LRRC4C: variants seen among roughly 807,000 people sequenced by gnomAD.
LRRC4C encodes the protein leucine-rich repeat-containing protein 4C.
Under a neutral mutation model 33.6 loss-of-function variants are expected in LRRC4C, and 5 were observed. The observed-to-expected ratio is 0.15, with a 90% confidence interval of 0.08 to 0.31. The LOEUF (loss-of-function observed/expected upper bound fraction) is 0.31. Ranked by LOEUF, LRRC4C falls within the 10% of genes least tolerant of loss-of-function variation. The pLI, the probability that LRRC4C is intolerant of heterozygous loss-of-function variation, is 1.00. For synonymous variants in LRRC4C, 329 were observed against 302.0 expected (o/e 1.09, Z -0.93); for missense variants, 560 against 796.7 (o/e 0.70, Z 3.58).
intron 2 of LRRC4C, among the ~76,000 whole-genome samples, chr11:40,900,322 G>A (rs564868924): frequency 6.6e-6 from 1 of 151,964 alleles, no homozygotes; most frequent in Non-Finnish European, 1.5e-5. Context: ...TTAATTTATG[G>A]AATAAGATGA....
intron 2 of LRRC4C, among the ~76,000 whole-genome samples, chr11:40,737,664 G>A (rs746492935): frequency 1.3e-5 from 2 of 151,956 alleles, no homozygotes; most frequent in Non-Finnish European, 2.9e-5. Flanking sequence ...AACTTACAAG[G>A]GATGTGAAGG....
chr11:41,423,561 G>A (rs1954941652), intron 1 of LRRC4C, among the ~76,000 whole-genome samples: 2 of 152,070 alleles, frequency 1.3e-5, no homozygotes, highest in Non-Finnish European at 2.9e-5. Context: ...TGATGTCTGA[G>A]AAAGATTATT....
At chr11:40,598,538 T>A (rs1776249502) in intron 3 of LRRC4C, among the ~76,000 whole-genome samples, 1 of 152,156 alleles carries the variant, frequency 6.6e-6, no homozygotes, top group African/African-American at 2.4e-5. Context: ...AAAGTCGCAA[T>A]AAGCTGTCCT....
At chr11:40,917,418 A>ATTTGCAGGATATTATTT (rs1957007057) in intron 2 of LRRC4C, among the ~76,000 whole-genome samples, 1 of 152,160 alleles carries the variant, frequency 6.6e-6, no homozygotes, top group Non-Finnish European at 1.5e-5. Flanking sequence ...AGCTGAGAGC[A>ATTTGCAGGATATTATTT]TTTGCAGGAT....
At chr11:40,441,381 T>C (rs551340830) in intron 3 of LRRC4C, among the ~76,000 whole-genome samples, 7 of 152,130 alleles carry the variant, frequency 4.6e-5, no homozygotes, top group Non-Finnish European at 1.0e-4. Flanking sequence ...GATGCAAAGA[T>C]AAAAAAACAA....
At chr11:40,238,104 G>C (rs1162124372) in intron 5 of LRRC4C, among the ~76,000 whole-genome samples, 1 of 152,126 alleles carries the variant, frequency 6.6e-6, no homozygotes, top group Non-Finnish European at 1.5e-5. Flanking sequence ...CAGGTTTCAC[G>C]CTATTGGTGT....
chr11:41,200,523 T>A (rs537619776), intron 1 of LRRC4C, among the ~76,000 whole-genome samples: 63 of 152,234 alleles, frequency 4.1e-4, no homozygotes, highest in Middle Eastern at 3.4e-3. Context: ...CCTTTTTTTT[T>A]AAATTTTAAT....
rs543201871 is a variant in LRRC4C at position 40,933,882 on chromosome 11, T to TA, written c.-495-160dup. On this transcript the variant is annotated intron_variant, in intron 1 of 6. Coordinates refer to ENST00000528697, the MANE Select transcript of LRRC4C (RefSeq NM_001258419.2). ...AGTTTATCCGTGTATATTCATTTTA[T>TA]AATATGCCATGCTTGAGGCTTTTCC... is the stretch of plus-strand genomic sequence containing the variant. 5.3e-5 allele frequency among the ~76,000 whole-genome samples: 8 copies of TA among 152,350 alleles called. No homozygotes were observed. The South Asian group carries it at 1.7e-3, about 32-fold the overall frequency.
intron 2 of LRRC4C, among the ~76,000 whole-genome samples, chr11:40,736,897 T>C (rs1023049605): frequency 6.6e-6 from 1 of 151,436 alleles, no homozygotes; most frequent in African/African-American, 2.4e-5. Flanking sequence ...AAGTTCTTTG[T>C]ATATTCTGGA....
chr11:40,413,596 T>C (rs1368309601), intron 3 of LRRC4C, among the ~76,000 whole-genome samples: 3 of 152,116 alleles, frequency 2.0e-5, no homozygotes, highest in Admixed American at 2.0e-4. Flanking sequence ...TCATAACTAA[T>C]TATGTGTGGA....
At chr11:41,075,766 T>C (rs1221621176) in intron 1 of LRRC4C, among the ~76,000 whole-genome samples, 1 of 152,212 alleles carries the variant, frequency 6.6e-6, no homozygotes, top group Non-Finnish European at 1.5e-5. Flanking sequence ...TTTTCTCTTG[T>C]ATGCACTCCA....
rs545281589 is a variant in LRRC4C, at chr11:40,541,914, A to T, written c.-270+106228T>A. Among the ~76,000 whole-genome samples, 4 of 152,116 alleles carry T rather than the reference A, an allele frequency of 2.6e-5. No homozygotes were observed. In the South Asian group the frequency reaches 6.2e-4, roughly 24 times the overall value. ...CTATAAACAGAACTGACTTCCAAAA[A>T]CCTAAATCTTCTGCCCAGTTTTTTG... On this transcript the variant is annotated intron_variant, in intron 3 of 6. Transcript: ENST00000528697.
intron 4 of LRRC4C, among the ~76,000 whole-genome samples, chr11:40,263,890 A>G (rs1942050106): frequency 6.6e-6 from 1 of 152,152 alleles, no homozygotes; most frequent in African/African-American, 2.4e-5. Flanking sequence ...ATCAGACAGA[A>G]TGAGGGATGA....
intron 1 of LRRC4C, among the ~76,000 whole-genome samples, chr11:41,083,204 C>A (rs1939708244): frequency 6.6e-6 from 1 of 151,854 alleles, no homozygotes; most frequent in Admixed American, 6.6e-5. Context: ...TTTGGATAAC[C>A]CACAAAGTAT....
intron 4 of LRRC4C, among the ~76,000 whole-genome samples, chr11:40,315,540 C>T (rs577794798): frequency 1.3e-5 from 2 of 151,416 alleles, no homozygotes; most frequent in East Asian, 1.9e-4. Context: ...GAATATATTC[C>T]CATATCTATA....
Position 40,115,734 on chromosome 11 carries a change from A to T in LRRC4C, c.559T>A (p.Tyr187Asn). ...LDLGELKRLS[Y>N]ISEGAFEGLS... The stretch of plus-strand genomic sequence containing the variant: ...CCTTCAAAGGCACCTTCTGAGATGT[A>T]TGAAAGTCTTTTCAATTCCCCTAAG... The change falls in exon 7 of 7, where the codon TAC becomes AAC. Residue 187 changes from tyrosine to asparagine, a missense_variant. By Grantham distance (143) the Tyr-to-Asn change is moderately radical. Around this residue, in one of 3 missense-constraint regions of LRRC4C, gnomAD observed 455 missense variants for 643.8 expected, o/e 0.71. Coordinates refer to ENST00000528697, the MANE Select transcript of LRRC4C (RefSeq NM_001258419.2). The surrounding 1 kb of genome is among the most constrained non-coding windows in gnomAD (Gnocchi z 6.7). The T allele has an allele frequency of 6.2e-7, 1 of 1,614,202 alleles. No homozygotes were observed. Among genetic ancestry groups the T allele is most frequent in the South Asian group, 1.1e-5 (1 of 91,078 alleles).
rs188739831 is a variant in LRRC4C at position 41,342,195 on chromosome 11, C to A, written c.-496+117236G>T. The stretch of plus-strand genomic sequence containing the variant: ...CTGCCTAAAATATTAACAGTTATTA[C>A]ACAACTATACACTCTGCTGTTGTTT... On this transcript the variant is annotated intron_variant, in intron 1 of 6. Transcript: ENST00000528697. Among the ~76,000 whole-genome samples the A allele has an allele frequency of 2.8e-3, 432 of 152,336 alleles. 1 individual carries two copies. The highest frequency in any genetic ancestry group is 4.7e-3 in the Non-Finnish European group (318 of 68,028).
intron 1 of LRRC4C, among the ~76,000 whole-genome samples, chr11:40,934,770 T>C (rs1265829436): frequency 6.6e-6 from 1 of 152,158 alleles, no homozygotes; most frequent in African/African-American, 2.4e-5. Flanking sequence ...ACTGAAATAC[T>C]ATTTACACAC....
intron 1 of LRRC4C, among the ~76,000 whole-genome samples, chr11:40,945,308 C>T (rs1958348524): frequency 6.6e-6 from 1 of 152,084 alleles, no homozygotes; most frequent in Non-Finnish European, 1.5e-5. Context: ...GCTTGAGCCA[C>T]CGTGCCCGGG....
Sources: allele counts gnomAD v4.1 joint callset (sites outside exome capture counted in the v4.1 genomes callset), GRCh38; gene constraint gnomAD v4.1.1; regional missense constraint gnomAD v4.1.1; non-coding constraint Gnocchi (gnomAD v3.1); transcripts MANE v1.5; gene names NCBI Gene and HGNC (gene_info 2026-07-23, HGNC 2026-07-21).